Variants in CNTNAP2 observed in about 807,000 individuals in gnomAD.
CNTNAP2 encodes the protein contactin associated protein 2.
In CNTNAP2, 98 loss-of-function variants were observed where a neutral mutation model predicts 155.2. The observed-to-expected ratio is 0.63, with a 90% CI of 0.54 to 0.75. The LOEUF (loss-of-function observed/expected upper bound fraction) is 0.75, where lower values mean the gene tolerates loss of function less well. CNTNAP2 is among the 30% of genes least tolerant of loss of function. CNTNAP2 has a pLI of 0.00. For synonymous variants in CNTNAP2, 651 were observed against 631.2 expected (o/e 1.03, Z -0.47); for missense variants, 1,727 against 1,688.1 (o/e 1.02, Z -0.40).
chr7:146,522,769 CTATTA>C (rs921794171), intron 1 of CNTNAP2, among the ~76,000 whole-genome samples: 7 of 149,304 alleles, frequency 4.7e-5, no homozygotes, highest in Admixed American at 1.3e-4. Context: ...ATAATAATAT[CTATTA>C]TGTTTTAAAA....
chr7:147,880,605 T>TA lies in CNTNAP2; in HGVS notation c.2099-22947dup, dbSNP rs11311568. On this transcript the variant is annotated intron_variant, in intron 13 of 23. Coordinates refer to ENST00000361727, the MANE Select transcript of CNTNAP2 (RefSeq NM_014141.6). ...GTGCCAACTTTTTCATTGTTTGAGT[T>TA]AAAAAAAAAAAAAGTTAAGACTAAC... 3.8e-4 allele frequency among the ~76,000 whole-genome samples: 56 copies of TA among 147,428 alleles called. 1 individual carries two copies. The Middle Eastern group carries it at 0.017, about 46-fold the overall frequency.
chr7:147,164,877 G>C (rs1012043766), intron 8 of CNTNAP2, among the ~76,000 whole-genome samples: 2 of 152,152 alleles, frequency 1.3e-5, no homozygotes, highest in African/African-American at 4.8e-5. Context: ...CAATGCTTGA[G>C]AAGAAAATTT....
At chr7:146,685,474 A>C (rs1056923229) in intron 1 of CNTNAP2, among the ~76,000 whole-genome samples, 8 of 152,176 alleles carry the variant, frequency 5.3e-5, no homozygotes, top group African/African-American at 1.9e-4. Context: ...AGGCTGGTTG[A>C]CATTTCCTGG....
At chr7:148,198,297 G>C (rs1795308858) in intron 18 of CNTNAP2, among the ~76,000 whole-genome samples, 1 of 152,204 alleles carries the variant, frequency 6.6e-6, no homozygotes, top group Non-Finnish European at 1.5e-5. Context: ...GTTTGGCAAA[G>C]GGGCATGATC....
chr7:147,937,356 A>G (rs1349010838), intron 14 of CNTNAP2, among the ~76,000 whole-genome samples: 1 of 152,122 alleles, frequency 6.6e-6, no homozygotes, highest in Non-Finnish European at 1.5e-5. Flanking sequence ...ATCATAACAC[A>G]TTCCAAAATA....
chr7:147,047,503 A>T (rs1156681709), intron 4 of CNTNAP2, among the ~76,000 whole-genome samples: 2 of 151,956 alleles, frequency 1.3e-5, no homozygotes, highest in Admixed American at 6.6e-5. Flanking sequence ...TCTATCATCT[A>T]TATAGCAATC....
intron 15 of CNTNAP2, among the ~76,000 whole-genome samples, chr7:148,076,020 T>C (rs1182508275): frequency 6.6e-6 from 1 of 152,190 alleles, no homozygotes; most frequent in African/African-American, 2.4e-5. Flanking sequence ...TAAACACCTG[T>C]AAAGGAAGAA....
At chr7:146,140,036 C>G (rs1242936609) in intron 1 of CNTNAP2, among the ~76,000 whole-genome samples, 2 of 152,176 alleles carry the variant, frequency 1.3e-5, no homozygotes, top group Non-Finnish European at 2.9e-5. Context: ...CTACAGGAGT[C>G]TGACTTGATC....
intron 1 of CNTNAP2, among the ~76,000 whole-genome samples, chr7:146,305,092 C>T (rs537733815): frequency 6.6e-6 from 1 of 152,010 alleles, no homozygotes; most frequent in African/African-American, 2.4e-5. Flanking sequence ...TGCATCACGT[C>T]GTTCTCATGC....
At position 146,842,755 on chromosome 7, in the gene CNTNAP2, G is replaced by C. The variant is rs183577189; in HGVS notation, c.402+2851G>C. On this transcript the variant is annotated intron_variant, in intron 3 of 23. Coordinates refer to ENST00000361727, the MANE Select transcript of CNTNAP2 (RefSeq NM_014141.6). The stretch of plus-strand genomic sequence containing the variant: ...GGCTGGAGTGCAGTGACGCGATCTC[G>C]GCTCACTGCAAGCTCCGCCTCCCGG... Among the ~76,000 whole-genome samples the C allele has an allele frequency of 6.0e-4, 91 of 151,868 alleles. 1 individual carries two copies. Among genetic ancestry groups the C allele is most frequent in the African/African-American group, 2.0e-3 (81 of 41,392 alleles).
intron 2 of CNTNAP2, among the ~76,000 whole-genome samples, chr7:146,789,056 T>G (rs1802627747): frequency 6.6e-6 from 1 of 152,182 alleles, no homozygotes; most frequent in African/African-American, 2.4e-5. Context: ...ACATATTATT[T>G]TATCTGATCC....
At chr7:146,948,629 C>T (rs1421625564) in intron 3 of CNTNAP2, among the ~76,000 whole-genome samples, 3 of 152,014 alleles carry the variant, frequency 2.0e-5, no homozygotes, top group Admixed American at 6.6e-5. Flanking sequence ...AATGTATTTC[C>T]TTCAGTAAAA....
At chr7:147,788,809 A>G (rs1797774439) in intron 13 of CNTNAP2, among the ~76,000 whole-genome samples, 1 of 151,450 alleles carries the variant, frequency 6.6e-6, no homozygotes, top group African/African-American at 2.4e-5. Flanking sequence ...AAATCCCAAA[A>G]ATCCCAGGAA....
chr7:146,582,804 A>C (rs1798631446), intron 1 of CNTNAP2, among the ~76,000 whole-genome samples: 1 of 151,554 alleles, frequency 6.6e-6, no homozygotes, highest in Admixed American at 6.6e-5. Flanking sequence ...AAGGAAAAGA[A>C]ATTTTTTTTG....
chr7:146,219,079 T>A (rs1410930101), intron 1 of CNTNAP2, among the ~76,000 whole-genome samples: 1 of 152,178 alleles, frequency 6.6e-6, no homozygotes, highest in African/African-American at 2.4e-5. Context: ...GCCAGGACCT[T>A]CTTCGCAGGG....
chr7:147,942,930 G>C (rs533473499), intron 14 of CNTNAP2, among the ~76,000 whole-genome samples: 1 of 151,920 alleles, frequency 6.6e-6, no homozygotes, highest in African/African-American at 2.4e-5. Flanking sequence ...CCAGCTACTC[G>C]GGAGGCTGAG....
intron 19 of CNTNAP2, among the ~76,000 whole-genome samples, chr7:148,225,572 C>T (rs548258200): frequency 7.2e-4 from 109 of 152,202 alleles, no homozygotes; most frequent in East Asian, 3.5e-3. Flanking sequence ...TACTCTGAGA[C>T]GGGGAGTTAC....
intron 1 of CNTNAP2, among the ~76,000 whole-genome samples, chr7:146,534,627 GA>G (rs1342694330): frequency 6.6e-6 from 1 of 152,014 alleles, no homozygotes; most frequent in East Asian, 1.9e-4. Flanking sequence ...TGGCCACTGA[GA>G]AAAGGGGCTT....
intron 1 of CNTNAP2, among the ~76,000 whole-genome samples, chr7:146,224,237 G>T (rs1799254542): frequency 6.6e-6 from 1 of 152,114 alleles, no homozygotes; most frequent in South Asian, 2.1e-4. Context: ...ACCTCACATA[G>T]GGAGGGACCA....
Sources: gnomAD v4.1 joint callset for allele counts (sites outside exome capture counted in the v4.1 genomes callset) on GRCh38, gnomAD v4.1.1 for gene constraint, MANE v1.5 for transcripts, NCBI Gene and HGNC (gene_info 2026-07-23, HGNC 2026-07-21) for gene names.